The following FMN1 variants were observed in gnomAD, a reference collection of about 807,000 sequenced individuals.
FMN1 encodes formin-1.
FMN1 carries 110 observed loss-of-function variants against 132.4 expected under a neutral mutation model. The observed-to-expected ratio is 0.83, with a 90% CI of 0.71 to 0.97. The LOEUF (loss-of-function observed/expected upper bound fraction) is 0.97. Ranked by LOEUF, FMN1 falls within the 50% of genes least tolerant of loss-of-function variation. The pLI is 0.00. For synonymous variants in FMN1, 722 were observed against 651.7 expected (o/e 1.11, Z -1.64); for missense variants, 1,792 against 1,705.3 (o/e 1.05, Z -0.90).
intron 14 of FMN1, among the ~76,000 whole-genome samples, chr15:32,899,617 A>G (rs1287063035): frequency 6.6e-6 from 1 of 152,230 alleles, no homozygotes; most frequent in Non-Finnish European, 1.5e-5. Flanking sequence ...AGGAATGAGT[A>G]AACTACTAGT....
chr15:32,839,422 T>C (rs1258552793), intron 17 of FMN1, among the ~76,000 whole-genome samples: 1 of 152,048 alleles, frequency 6.6e-6, no homozygotes, highest in African/African-American at 2.4e-5. Flanking sequence ...TAGTTCCCAT[T>C]TTAGTGTTCT....
intron 3 of FMN1, among the ~76,000 whole-genome samples, chr15:33,177,782 A>G (rs1965563846): frequency 6.6e-6 from 1 of 152,214 alleles, no homozygotes; most frequent in African/African-American, 2.4e-5. Flanking sequence ...AAGCGCATGG[A>G]TCACATGAGG....
chr15:33,090,846 T>G (rs1457721737), intron 4 of FMN1, among the ~76,000 whole-genome samples: 7 of 152,238 alleles, frequency 4.6e-5, no homozygotes, highest in African/African-American at 1.4e-4. Flanking sequence ...AAGATAGTAC[T>G]GCTTATATTT....
intron 19 of FMN1, among the ~76,000 whole-genome samples, chr15:32,792,927 G>T (rs1412923171): frequency 6.6e-6 from 1 of 152,166 alleles, no homozygotes; most frequent in African/African-American, 2.4e-5. Context: ...TGTTATACAT[G>T]AGGAAAATTG....
At chr15:32,900,161 C>G in intron 13 of FMN1, 36 bp from the exon 14 acceptor site, 1 of 1,610,770 alleles carries the variant, frequency 6.2e-7, no homozygotes, top group Admixed American at 1.7e-5. Flanking sequence ...CGGAGCTGAA[C>G]TCCAAATGCA....
At chr15:32,842,663 T>C (rs183745557) in intron 17 of FMN1, among the ~76,000 whole-genome samples, 158 of 152,306 alleles carry the variant, frequency 1.0e-3, no homozygotes, top group African/African-American at 3.6e-3. Context: ...AAAAAGTTTA[T>C]CTGTACTAGT....
chr15:32,944,690 C>T (rs533517372), intron 9 of FMN1, among the ~76,000 whole-genome samples: 1 of 152,060 alleles, frequency 6.6e-6, no homozygotes, highest in South Asian at 2.1e-4. Flanking sequence ...ACAGAAAAAC[C>T]CTTTTCTTGT....
intron 9 of FMN1, among the ~76,000 whole-genome samples, chr15:32,932,964 T>G (rs1459743248): frequency 6.6e-6 from 1 of 152,176 alleles, no homozygotes; most frequent in Non-Finnish European, 1.5e-5. Context: ...TTTCCTATTG[T>G]TTTTCTATAC....
chr15:33,159,201 T>G (rs551094250), intron 3 of FMN1, among the ~76,000 whole-genome samples: 1 of 152,072 alleles, frequency 6.6e-6, no homozygotes, highest in Non-Finnish European at 1.5e-5. Context: ...AAGTAAAAAT[T>G]AAATAAAAAG....
intron 4 of FMN1, among the ~76,000 whole-genome samples, chr15:33,117,722 AAAC>A (rs1385085826): frequency 3.3e-5 from 5 of 152,230 alleles, no homozygotes; most frequent in Non-Finnish European, 5.9e-5. Context: ...ATTATCTAGC[AAAC>A]AACATTTGTA....
At chr15:32,806,971 T>C (rs1171883362) in intron 17 of FMN1, among the ~76,000 whole-genome samples, 2 of 152,216 alleles carry the variant, frequency 1.3e-5, no homozygotes, top group Non-Finnish European at 2.9e-5. Context: ...GTGTTTATCA[T>C]GCAACAACTG....
chr15:33,018,905 G>A (rs555255528), intron 6 of FMN1, among the ~76,000 whole-genome samples: 1 of 152,128 alleles, frequency 6.6e-6, no homozygotes, highest in Non-Finnish European at 1.5e-5. Context: ...TAGTCTCACT[G>A]GCTCAGGAGT....
chr15:32,922,941 T>C (rs2060869373), intron 10 of FMN1, among the ~76,000 whole-genome samples: 1 of 152,208 alleles, frequency 6.6e-6, no homozygotes, highest in Non-Finnish European at 1.5e-5. Context: ...AAATGGCAGG[T>C]AGAGGCAAAT....
intron 19 of FMN1, among the ~76,000 whole-genome samples, chr15:32,781,514 C>T (rs1253075913): frequency 6.6e-6 from 1 of 152,172 alleles, no homozygotes; most frequent in Non-Finnish European, 1.5e-5. Flanking sequence ...CCGGGCTATG[C>T]TATGTTCTGA....
chr15:32,810,795 T>A (rs949103183), intron 17 of FMN1: 1 of 302,722 alleles, frequency 3.3e-6, no homozygotes, highest in East Asian at 8.0e-5. Context: ...GGGATAAGGG[T>A]TGGAGTATCT....
At chr15:32,775,487 AT>A (rs2056387531) in intron 20 of FMN1, among the ~76,000 whole-genome samples, 1 of 152,210 alleles carries the variant, frequency 6.6e-6, no homozygotes, top group Non-Finnish European at 1.5e-5. Flanking sequence ...AGAGGCCCAA[AT>A]AAAAGGTCTG....
chr15:33,086,071 G>T (rs2038679542), intron 5 of FMN1, among the ~76,000 whole-genome samples: 1 of 151,950 alleles, frequency 6.6e-6, no homozygotes, highest in Non-Finnish European at 1.5e-5. Flanking sequence ...CTAACACAGT[G>T]AAACCCCGTT....
Position 32,765,691 on chromosome 15 carries a change from C to A in FMN1, c.*8619G>T, listed in dbSNP as rs1288844925. On this transcript the variant is annotated 3_prime_UTR_variant, in exon 21 of 21. Transcript: ENST00000616417. Reference sequence around the variant, plus strand: ...ACAGATTAGGATAAATATAATCTATCACAGAGATAGAATTTTTTGAATAGA... The same window carrying A: ...ACAGATTAGGATAAATATAATCTATAACAGAGATAGAATTTTTTGAATAGA... 1.3e-5 allele frequency: 2 copies of A among 151,998 alleles called. No individual in the cohort carries two copies. The highest frequency in any genetic ancestry group is 1.5e-5 in the Non-Finnish European group (1 of 68,004). 9.4% of individuals were successfully genotyped at this position (151,998 alleles called of 1,614,324 possible).
intron 18 of FMN1, among the ~76,000 whole-genome samples, chr15:32,803,902 A>G (rs540063607): frequency 1.3e-5 from 2 of 152,310 alleles, no homozygotes; most frequent in South Asian, 4.1e-4. Context: ...GTCCTGCTAC[A>G]GTGCTTTCAC....
Sources: gnomAD v4.1 joint callset for allele counts (sites outside exome capture counted in the v4.1 genomes callset) on GRCh38, gnomAD v4.1.1 for gene constraint, MANE v1.5 for transcripts, NCBI Gene and HGNC (gene_info 2026-07-23, HGNC 2026-07-21) for gene names.